Variants in PCLO observed in about 807,000 individuals in gnomAD.
PCLO encodes the protein piccolo presynaptic cytomatrix protein.
PCLO carries 82 observed loss-of-function variants against 427.5 expected under a neutral mutation model. That is an observed-to-expected ratio of 0.19 (90% CI 0.16 to 0.23). The LOEUF (loss-of-function observed/expected upper bound fraction) is 0.23, where lower values mean the gene tolerates loss of function less well. Ranked by LOEUF, PCLO falls within the 10% of genes least tolerant of loss-of-function variation. PCLO has a pLI of 1.00. For missense variants in PCLO, 6,239 were observed against 6,115.9 expected, an observed-to-expected ratio of 1.02 and a Z score of -0.67; for synonymous variants, 2,357 against 2,155.4, an observed-to-expected ratio of 1.09 and a Z score of -2.59.
intron 3 of PCLO, among the ~76,000 whole-genome samples, chr7:82,967,824 T>C (rs930825858): frequency 3.3e-5 from 5 of 152,196 alleles, no homozygotes; most frequent in African/African-American, 9.6e-5. Flanking sequence ...GCTGTGTATG[T>C]AGTTCTAATT....
chr7:82,938,896 C>T (rs1007424557), intron 6 of PCLO, among the ~76,000 whole-genome samples: 2 of 151,944 alleles, frequency 1.3e-5, no homozygotes, highest in African/African-American at 4.8e-5. Flanking sequence ...CTGAAGTGGG[C>T]AGTCTGAAGT....
At chr7:82,829,862 T>C (rs1031778543) in intron 16 of PCLO, among the ~76,000 whole-genome samples, 7 of 152,086 alleles carry the variant, frequency 4.6e-5, no homozygotes, top group African/African-American at 1.7e-4. Flanking sequence ...TTGTGATATA[T>C]TCATTTCAAT....
intron 3 of PCLO, among the ~76,000 whole-genome samples, chr7:83,038,226 C>G (rs540370740): frequency 1.9e-4 from 28 of 148,116 alleles, no homozygotes; most frequent in African/African-American, 6.9e-4. Context: ...AATATACACA[C>G]ATACCATAAA....
chr7:82,987,934 G>C (rs1393208757), intron 3 of PCLO, among the ~76,000 whole-genome samples: 3 of 152,052 alleles, frequency 2.0e-5, no homozygotes, highest in Non-Finnish European at 4.4e-5. Flanking sequence ...GCTAATGGTA[G>C]CTAACACTGT....
intron 9 of PCLO, among the ~76,000 whole-genome samples, 161 bp from the exon 10 acceptor site, chr7:82,879,623 G>A (rs7801161): frequency 0.095 from 14,387 of 152,104 alleles, 2,288 homozygotes; most frequent in African/African-American, 0.32. Flanking sequence ...TTCTGATTTT[G>A]ATAATATAAA....
intron 16 of PCLO, 130 bp downstream of exon 16, chr7:82,835,537 T>G: frequency 1.5e-6 from 1 of 663,436 alleles, no homozygotes; most frequent in Non-Finnish European, 2.6e-6. Flanking sequence ...GCTGATTCAA[T>G]AGATACAAAC....
Position 83,156,225 on chromosome 7 carries a change from T to G in PCLO, c.416A>C (p.Lys139Thr). The G allele has an allele frequency of 6.2e-7, 1 of 1,613,916 alleles. No individual in the cohort carries two copies. The highest frequency in any genetic ancestry group is 2.2e-5 in the East Asian group (1 of 44,872). The change falls in exon 2 of 25, where the codon AAG becomes ACG. Residue 139 changes from lysine (K) to threonine (T), a missense_variant. Physicochemically the swap from Lys to Thr is moderately conservative, Grantham distance 78. Transcript: ENST00000333891. ...SPSTISLKESKSRTDLKEEHK... is the reference protein window; with the variant it reads ...SPSTISLKESTSRTDLKEEHK... ...CTCTTCCTTTAAATCAGTTCTGGAC[T>G]TTGATTCTTTCAAGCTAATAGTGGA...
At chr7:83,047,355 T>C (rs1405340305) in intron 3 of PCLO, among the ~76,000 whole-genome samples, 2 of 151,978 alleles carry the variant, frequency 1.3e-5, no homozygotes, top group Admixed American at 6.6e-5. Flanking sequence ...TTTTAGGGAG[T>C]ATCACACATA....
At chr7:82,922,277 C>A (rs908274726) in intron 6 of PCLO, among the ~76,000 whole-genome samples, 1 of 151,920 alleles carries the variant, frequency 6.6e-6, no homozygotes, top group Non-Finnish European at 1.5e-5. Context: ...ACCATAAAGA[C>A]TCATGCATGT....
Position 82,952,475 on chromosome 7 carries a change from A to G in PCLO, c.8478T>C (p.Leu2826=). 1 of 1,613,856 alleles carries G rather than the reference A, an allele frequency of 6.2e-7. No homozygotes were observed. The highest frequency in any genetic ancestry group is 1.1e-5 in the South Asian group (1 of 91,078). Reference sequence around the variant, plus strand: ...GGGGCTCAGCATGCTTTGATGTTGTAAGTTGGAGTGGTGTTGTCATTGCAT... The same window carrying G: ...GGGGCTCAGCATGCTTTGATGTTGTGAGTTGGAGTGGTGTTGTCATTGCAT... ...AEHAMTTPLQ[L]TTSKHAEPPY... Residue 2826 remains leucine (L), a synonymous_variant, in exon 5 of 25, where the codon CTT becomes CTC. Coordinates refer to ENST00000333891, the MANE Select transcript of PCLO (RefSeq NM_033026.6).
Position 82,822,676 on chromosome 7 carries a change from G to A in PCLO, c.14610C>T (p.Pro4870=), listed in dbSNP as rs1259637102. The change falls in exon 20 of 25, where the codon CCC becomes CCT. Residue 4870 remains proline (P), a synonymous_variant. Transcript: ENST00000333891. Reference sequence around the variant, plus strand: ...GACTACTATGGGATTTCTCAATGGTGGGAACCTGCATGTCTGGTCACAAAA... The same window carrying A: ...GACTACTATGGGATTTCTCAATGGTAGGAACCTGCATGTCTGGTCACAAAA... ...FPDPSKDMQV[P]TIEKSHSSPG... is the part of the protein sequence containing the mutation. 1 of 1,613,092 alleles carries A rather than the reference G, an allele frequency of 6.2e-7. No individual in the cohort carries two copies.
chr7:83,156,180 G>A lies in PCLO; in HGVS notation c.461C>T (p.Pro154Leu), dbSNP rs1344993668. The change falls in exon 2 of 25, where the codon CCT becomes CTT. Residue 154 changes from proline (P) to leucine (L), a missense_variant. Around this residue, in one of 5 missense-constraint regions of PCLO, gnomAD observed 4,677 missense variants for 4,468.4 expected, o/e 1.05. Transcript: ENST00000333891. ...AGCGTTAACCTCTGAGAGGAAGCCA[G>A]GCATCATACTAGACTTGTGCTCTTC... The part of the protein sequence containing the change: ...LKEEHKSSMM[P>L]GFLSEVNALS... 3 of 1,613,508 alleles carry A rather than the reference G, an allele frequency of 1.9e-6. No individual in the cohort carries two copies. Among genetic ancestry groups the A allele is most frequent in the Non-Finnish European group, 2.5e-6 (3 of 1,179,652 alleles).
At chr7:83,151,884 GAA>G (rs1223029359) in intron 2 of PCLO, among the ~76,000 whole-genome samples, 1 of 151,618 alleles carries the variant, frequency 6.6e-6, no homozygotes, top group Non-Finnish European at 1.5e-5. Flanking sequence ...GTATAATAGA[GAA>G]GAAACACAAA....
At chr7:83,062,342 A>G (rs188448480) in intron 3 of PCLO, among the ~76,000 whole-genome samples, 1 of 152,190 alleles carries the variant, frequency 6.6e-6, no homozygotes, top group Non-Finnish European at 1.5e-5. Flanking sequence ...ATAACAGTCA[A>G]TGTTTCTCTA....
At chr7:82,894,147 T>C (rs1050491091) in intron 9 of PCLO, among the ~76,000 whole-genome samples, 2 of 151,842 alleles carry the variant, frequency 1.3e-5, no homozygotes, top group African/African-American at 2.4e-5. Context: ...ATTAAATAGA[T>C]TACAAAATAA....
chr7:82,831,634 T>C (rs189104488), intron 16 of PCLO, among the ~76,000 whole-genome samples: 1 of 152,272 alleles, frequency 6.6e-6, no homozygotes, highest in East Asian at 1.9e-4. Flanking sequence ...CCTAAACTGA[T>C]TGGACAAAAG....
intron 18 of PCLO, among the ~76,000 whole-genome samples, chr7:82,826,352 T>C (rs556589516): frequency 2.6e-5 from 4 of 152,100 alleles, no homozygotes; most frequent in Admixed American, 2.0e-4. Flanking sequence ...TATCTTCCTA[T>C]TGAAAGAAAA....
intron 3 of PCLO, among the ~76,000 whole-genome samples, chr7:83,128,454 C>T (rs768581112): frequency 3.3e-5 from 5 of 152,116 alleles, no homozygotes; most frequent in African/African-American, 4.8e-5. Flanking sequence ...CATCAGCACA[C>T]GTGACCAGTG....
At position 82,938,598 on chromosome 7, in the gene PCLO, G is replaced by A. The variant is rs150847477; in HGVS notation, c.11112+10878C>T. Among the ~76,000 whole-genome samples, 448 of 151,994 alleles carry A rather than the reference G, an allele frequency of 2.9e-3. 2 individuals carry two copies. The highest frequency in any genetic ancestry group is 0.01 in the African/African-American group (431 of 41,504). ...AGGCCTGATGACCAGTGAGCATAAG[G>A]AGAAACAATGAAGAAATTCAAAAAC... On this transcript the variant is annotated intron_variant, in intron 6 of 24. Coordinates refer to ENST00000333891, the MANE Select transcript of PCLO (RefSeq NM_033026.6).
Sources: allele counts gnomAD v4.1 joint callset (sites outside exome capture counted in the v4.1 genomes callset), GRCh38; gene constraint gnomAD v4.1.1; regional missense constraint gnomAD v4.1.1; transcripts MANE v1.5; gene names NCBI Gene and HGNC (gene_info 2026-07-23, HGNC 2026-07-21).